Variants in SUCLG2 observed in about 807,000 individuals in gnomAD.
SUCLG2 encodes succinate--CoA ligase [GDP-forming] subunit beta, mitochondrial.
SUCLG2 carries 42 observed loss-of-function variants against 47.9 expected under a neutral mutation model. The ratio of observed to expected loss-of-function variants is 0.88; its 90% CI spans 0.69 to 1.14. The LOEUF is 1.14. SUCLG2 is among the 50% of genes most tolerant of loss of function. The probability of loss-of-function intolerance (pLI) is 0.00; values close to 1 mark genes in which losing one functional copy is unlikely to be tolerated. For missense variants in SUCLG2, 571 were observed against 525.9 expected (o/e 1.09, Z -0.84); for synonymous variants, 195 against 197.3 (o/e 0.99, Z 0.10).
intron 9 of SUCLG2, among the ~76,000 whole-genome samples, chr3:67,447,294 G>C (rs1414180759): frequency 6.6e-6 from 1 of 152,152 alleles, no homozygotes; most frequent in Non-Finnish European, 1.5e-5. Context: ...CCAACAATGA[G>C]AGGGAATGTC....
intron 8 of SUCLG2, 102 bp from the exon 9 acceptor site, chr3:67,496,042 T>C: frequency 1.4e-6 from 2 of 1,393,868 alleles, no homozygotes; most frequent in Non-Finnish European, 2.0e-6. Flanking sequence ...AACTCTGTCA[T>C]TGCCAGGCCA....
chr3:67,410,279 C>T (rs1702905662), intron 9 of SUCLG2, among the ~76,000 whole-genome samples: 1 of 152,180 alleles, frequency 6.6e-6, no homozygotes, highest in South Asian at 2.1e-4. Flanking sequence ...AGAACAGCAA[C>T]TACAAAGGCC....
At chr3:67,615,663 C>T (rs1021481888) in intron 1 of SUCLG2, among the ~76,000 whole-genome samples, 3 of 140,082 alleles carry the variant, frequency 2.1e-5, no homozygotes, top group Non-Finnish European at 4.8e-5. Flanking sequence ...AGATCTGATG[C>T]TATTGTTGTT....
intron 1 of SUCLG2, among the ~76,000 whole-genome samples, chr3:67,640,265 C>T (rs1701077268): frequency 6.6e-6 from 1 of 152,330 alleles, no homozygotes; most frequent in East Asian, 1.9e-4. Flanking sequence ...GTGCTCTGGG[C>T]AGCACTGTTT....
intron 9 of SUCLG2, among the ~76,000 whole-genome samples, chr3:67,489,178 T>C (rs185049310): frequency 6.4e-4 from 98 of 152,210 alleles, no homozygotes; most frequent in Non-Finnish European, 9.9e-4. Flanking sequence ...CTGAGAAGTA[T>C]TGGCAGGTAA....
At chr3:67,613,142 T>C (rs1295748292) in intron 1 of SUCLG2, among the ~76,000 whole-genome samples, 1 of 152,192 alleles carries the variant, frequency 6.6e-6, no homozygotes, top group Non-Finnish European at 1.5e-5. Context: ...TGTTACCTCA[T>C]TAGCCATTGG....
intron 9 of SUCLG2, among the ~76,000 whole-genome samples, chr3:67,491,289 A>C (rs2107045826): frequency 6.7e-6 from 1 of 150,268 alleles, no homozygotes; most frequent in African/African-American, 2.4e-5. Context: ...AAAGCAGGGT[A>C]GGAAAATGAT....
intron 1 of SUCLG2, among the ~76,000 whole-genome samples, chr3:67,618,787 T>C (rs1700676898): frequency 6.6e-6 from 1 of 152,204 alleles, no homozygotes; most frequent in African/African-American, 2.4e-5. Context: ...GTAATAATAA[T>C]AATGACGATA....
intron 7 of SUCLG2, among the ~76,000 whole-genome samples, chr3:67,500,655 G>A (rs923149456): frequency 3.3e-5 from 5 of 152,044 alleles, no homozygotes; most frequent in South Asian, 4.2e-4. Context: ...AAGCAACTTC[G>A]TACATGGCTT....
intron 1 of SUCLG2, among the ~76,000 whole-genome samples, chr3:67,626,039 GA>G (rs1377928037): frequency 1.5e-5 from 2 of 136,658 alleles, no homozygotes; most frequent in Non-Finnish European, 3.2e-5. Flanking sequence ...TTTTTTTTTT[GA>G]GATGAGTCTC....
intron 9 of SUCLG2, among the ~76,000 whole-genome samples, chr3:67,475,767 T>C (rs1300670249): frequency 6.6e-6 from 1 of 151,596 alleles, no homozygotes; most frequent in Non-Finnish European, 1.5e-5. Flanking sequence ...CTGCCCAGGC[T>C]TGTCTCAAAC....
At chr3:67,578,813 C>T (rs1218691527) in intron 2 of SUCLG2, among the ~76,000 whole-genome samples, 2 of 152,140 alleles carry the variant, frequency 1.3e-5, no homozygotes, top group Non-Finnish European at 1.5e-5. Flanking sequence ...CAAACATTAG[C>T]GGGAACAGCC....
chr3:67,454,000 T>C (rs1704121613), intron 9 of SUCLG2, among the ~76,000 whole-genome samples: 1 of 152,176 alleles, frequency 6.6e-6, no homozygotes, highest in South Asian at 2.1e-4. Context: ...TTACTGCCTA[T>C]TGTTCTTACA....
chr3:67,574,648 G>A (rs755264510), intron 2 of SUCLG2, among the ~76,000 whole-genome samples: 1 of 151,706 alleles, frequency 6.6e-6, no homozygotes, highest in East Asian at 1.9e-4. Context: ...ATGTGACTCA[G>A]GTAAAAAAAA....
At chr3:67,520,752 G>A in intron 4 of SUCLG2, 118 bp from the exon 5 acceptor site, 1 of 1,203,398 alleles carries the variant, frequency 8.3e-7, no homozygotes, top group South Asian at 1.5e-5. Flanking sequence ...TACAGCCCAG[G>A]GAGTGAGTTT....
intron 2 of SUCLG2, among the ~76,000 whole-genome samples, chr3:67,555,335 G>T (rs929101519): frequency 6.6e-6 from 1 of 151,966 alleles, no homozygotes; most frequent in Non-Finnish European, 1.5e-5. Context: ...AAATGAATGT[G>T]TATATTTTAT....
chr3:67,456,858 T>C (rs886370539), intron 9 of SUCLG2, among the ~76,000 whole-genome samples: 5 of 151,878 alleles, frequency 3.3e-5, no homozygotes, highest in Non-Finnish European at 5.9e-5. Flanking sequence ...AGGGGGAAAA[T>C]ATTAAAATGA....
At chr3:67,441,458 G>C (rs1575697763) in intron 9 of SUCLG2, among the ~76,000 whole-genome samples, 1 of 151,918 alleles carries the variant, frequency 6.6e-6, no homozygotes, top group Middle Eastern at 3.5e-3. Flanking sequence ...AGGAATTGAA[G>C]CCTCCTGCAA....
At chr3:67,610,855 A>G (rs1201227892) in intron 1 of SUCLG2, among the ~76,000 whole-genome samples, 1 of 152,176 alleles carries the variant, frequency 6.6e-6, no homozygotes, top group Non-Finnish European at 1.5e-5. Context: ...CCAAGCTATG[A>G]TGTATTCATG....
Sources: allele counts gnomAD v4.1 joint callset (sites outside exome capture counted in the v4.1 genomes callset), GRCh38; gene constraint gnomAD v4.1.1; transcripts MANE v1.5; gene names NCBI Gene and HGNC (gene_info 2026-07-23, HGNC 2026-07-21).